The following RBFOX1 variants were observed in gnomAD, a reference collection of about 807,000 sequenced individuals.
RBFOX1 encodes RNA binding fox-1 homolog 1, also known as RNA binding protein fox-1 homolog 1.
RBFOX1 carries 8 observed loss-of-function variants against 57.7 expected under a neutral mutation model. The observed-to-expected ratio is 0.14, with a 90% CI of 0.08 to 0.25. The LOEUF (loss-of-function observed/expected upper bound fraction) is 0.25. Among genes scored for constraint, RBFOX1 ranks in the 10% least tolerant of loss-of-function variants. The pLI is 1.00. For missense variants in RBFOX1, 611 were observed against 548.5 expected, an observed-to-expected ratio of 1.11 and a Z score of -1.14; for synonymous variants, 326 against 222.4, an observed-to-expected ratio of 1.47 and a Z score of -4.15.
At chr16:7,044,762 G>T (rs897947810) in intron 3 of RBFOX1, among the ~76,000 whole-genome samples, 1 of 152,144 alleles carries the variant, frequency 6.6e-6, no homozygotes, top group Non-Finnish European at 1.5e-5. Flanking sequence ...GTACATTTAA[G>T]ATATTTTTCA....
At chr16:5,482,612 G>T (rs770091331) in intron 2 of RBFOX1, among the ~76,000 whole-genome samples, 7 of 152,186 alleles carry the variant, frequency 4.6e-5, no homozygotes, top group Non-Finnish European at 8.8e-5. Flanking sequence ...TAGGTTCTGA[G>T]GCCGCATTCA....
chr16:6,340,130 A>G (rs2084339994), intron 2 of RBFOX1, among the ~76,000 whole-genome samples: 1 of 152,166 alleles, frequency 6.6e-6, no homozygotes, highest in Non-Finnish European at 1.5e-5. Context: ...AATTATGACC[A>G]TATTTCTGCC....
chr16:7,015,087 A>G (rs1389747683), intron 3 of RBFOX1, among the ~76,000 whole-genome samples: 1 of 152,120 alleles, frequency 6.6e-6, no homozygotes, highest in Non-Finnish European at 1.5e-5. Flanking sequence ...TGCATTATGG[A>G]ATAGCATAAA....
intron 3 of RBFOX1, among the ~76,000 whole-genome samples, chr16:5,831,506 A>ATTT (rs869302884): frequency 2.0e-5 from 3 of 148,028 alleles, no homozygotes; most frequent in Non-Finnish European, 4.5e-5. Flanking sequence ...TATTATTATT[A>ATTT]TTTGAGATGG....
chr16:6,046,538 T>C (rs1479145778), intron 1 of RBFOX1, among the ~76,000 whole-genome samples: 1 of 152,178 alleles, frequency 6.6e-6, no homozygotes, highest in Admixed American at 6.5e-5. Context: ...TGAGGGGCTA[T>C]TCCTATATTC....
At chr16:5,351,118 C>A (rs1041333948) in intron 1 of RBFOX1, among the ~76,000 whole-genome samples, 2 of 152,308 alleles carry the variant, frequency 1.3e-5, no homozygotes, top group Admixed American at 1.3e-4. Flanking sequence ...AAGGATGTGT[C>A]TCCCATCTGA....
At chr16:6,829,020 G>A (rs2092470470) in intron 3 of RBFOX1, among the ~76,000 whole-genome samples, 1 of 152,004 alleles carries the variant, frequency 6.6e-6, no homozygotes, top group African/African-American at 2.4e-5. Context: ...ACTCATCCTT[G>A]AATTCCTTCT....
intron 1 of RBFOX1, among the ~76,000 whole-genome samples, chr16:6,123,135 G>C (rs573630440): frequency 6.6e-6 from 1 of 152,132 alleles, no homozygotes; most frequent in Admixed American, 6.5e-5. Flanking sequence ...TTATGATGCA[G>C]CATTTCCATT....
intron 5 of RBFOX1, among the ~76,000 whole-genome samples, chr16:7,566,601 G>A (rs868555119): frequency 7.9e-5 from 12 of 152,116 alleles, no homozygotes; most frequent in African/African-American, 2.7e-4. Flanking sequence ...GTAAAATAAG[G>A]CATGGAAAAC....
At chr16:6,891,269 C>G (rs1249338095) in intron 3 of RBFOX1, among the ~76,000 whole-genome samples, 1 of 152,186 alleles carries the variant, frequency 6.6e-6, no homozygotes, top group African/African-American at 2.4e-5. Flanking sequence ...ATAAGAACAA[C>G]TGCTTGAAGC....
At chr16:6,437,688 G>A (rs1280424301) in intron 2 of RBFOX1, among the ~76,000 whole-genome samples, 2 of 152,164 alleles carry the variant, frequency 1.3e-5, no homozygotes, top group African/African-American at 4.8e-5. Context: ...GGAGGCCTCA[G>A]GAAACTTACA....
chr16:6,895,227 G>C (rs995686560), intron 3 of RBFOX1, among the ~76,000 whole-genome samples: 2 of 151,712 alleles, frequency 1.3e-5, no homozygotes, highest in Non-Finnish European at 2.9e-5. Flanking sequence ...AAACCTCAGA[G>C]ACCAAATGTA....
intron 3 of RBFOX1, among the ~76,000 whole-genome samples, chr16:6,958,941 C>G (rs2082390858): frequency 6.6e-6 from 1 of 152,112 alleles, no homozygotes; most frequent in South Asian, 2.1e-4. Flanking sequence ...ACATAGGCAG[C>G]ATGGTTCTAT....
chr16:6,910,899 TGTTA>T (rs2071404213), intron 3 of RBFOX1, among the ~76,000 whole-genome samples: 5 of 152,072 alleles, frequency 3.3e-5, no homozygotes, highest in Admixed American at 3.3e-4. Flanking sequence ...TGCTAATCTC[TGTTA>T]GTAAAGAGGA....
chr16:6,602,258 C>T (rs1265686329), intron 2 of RBFOX1, among the ~76,000 whole-genome samples: 1 of 152,100 alleles, frequency 6.6e-6, no homozygotes, highest in Non-Finnish European at 1.5e-5. Flanking sequence ...TATTCTCTCC[C>T]ATTCAGTGGG....
At chr16:7,344,144 G>C (rs993491423) in intron 4 of RBFOX1, among the ~76,000 whole-genome samples, 3 of 112,456 alleles carry the variant, frequency 2.7e-5, no homozygotes, top group Admixed American at 1.2e-4. Flanking sequence ...AAGCTACTCT[G>C]AACTGCAGTT....
chr16:6,061,106 T>G (rs2095680317), intron 1 of RBFOX1, among the ~76,000 whole-genome samples: 1 of 152,180 alleles, frequency 6.6e-6, no homozygotes, highest in Non-Finnish European at 1.5e-5. Flanking sequence ...GCCCAGGTCT[T>G]TTCAGAAGTC....
intron 2 of RBFOX1, chr16:5,598,874 T>C: frequency 1.4e-6 from 2 of 1,470,928 alleles, no homozygotes; most frequent in Non-Finnish European, 1.8e-6. Context: ...TCCCCAACCT[T>C]TTTCTCTATT....
At chr16:6,554,725 G>GACAC (rs34699308) in intron 2 of RBFOX1, among the ~76,000 whole-genome samples, 23 of 148,274 alleles carry the variant, frequency 1.6e-4, no homozygotes, top group African/African-American at 5.2e-4. Flanking sequence ...AGTAGACACA[G>GACAC]ACACACACAC....
Sources: allele counts gnomAD v4.1 joint callset (sites outside exome capture counted in the v4.1 genomes callset), GRCh38; gene constraint gnomAD v4.1.1; transcripts MANE v1.5; gene names NCBI Gene and HGNC (gene_info 2026-07-23, HGNC 2026-07-21).